Variants in ABCD2 observed in about 807,000 individuals in gnomAD.
ABCD2 encodes the protein ATP-binding cassette sub-family D member 2.
A neutral mutation model predicts 70.9 loss-of-function variants in ABCD2; 36 were observed. That is an observed-to-expected ratio of 0.51 (90% CI 0.39 to 0.67). ABCD2 has a LOEUF of 0.67. ABCD2 is among the 30% of genes least tolerant of loss of function. The pLI, the probability that ABCD2 is intolerant of heterozygous loss-of-function variation, is 0.00. For synonymous variants in ABCD2, 304 were observed against 306.9 expected (o/e 0.99, Z 0.10); for missense variants, 729 against 890.2 (o/e 0.82, Z 2.30).
At chr12:39,571,937 T>C (rs528031409) in intron 9 of ABCD2, among the ~76,000 whole-genome samples, 49 of 152,244 alleles carry the variant, frequency 3.2e-4, no homozygotes, top group Middle Eastern at 3.4e-3. Context: ...GAAAATGAAA[T>C]TTTTATTTTC....
intron 6 of ABCD2, among the ~76,000 whole-genome samples, chr12:39,591,901 T>G (rs1449599433): frequency 6.6e-6 from 1 of 152,126 alleles, no homozygotes; most frequent in Non-Finnish European, 1.5e-5. Context: ...ACTCATAAAA[T>G]GAGAAAAACT....
At chr12:39,586,086 A>G in intron 7 of ABCD2, 66 bp downstream of exon 7, 10 of 1,443,192 alleles carry the variant, frequency 6.9e-6, no homozygotes, top group Non-Finnish European at 9.5e-6. Context: ...CACAGACTAA[A>G]TATATACCCA....
In ABCD2 at chr12:39,551,285, A is replaced by G. The variant is rs1161967104; in HGVS notation, c.*2627T>C. ...CACATTTTAAACTCAAGCTCCATAA[A>G]CTTATAGCTTTTTGTTTGACCAAAA... On this transcript the variant is annotated 3_prime_UTR_variant, in exon 10 of 10. Transcript: ENST00000308666. The G allele has an allele frequency of 6.6e-6, 1 of 151,734 alleles. No individual in the cohort carries two copies. The highest frequency in any genetic ancestry group is 1.5e-5 in the Non-Finnish European group (1 of 67,682). 9.4% of individuals were successfully genotyped at this position (151,734 alleles called of 1,614,324 possible). A position where few individuals can be genotyped will look rare whatever the true frequency, so the allele number is the denominator to read the frequency against.
Position 39,604,965 on chromosome 12 carries a change from T to C in ABCD2, c.1237-35A>G, listed in dbSNP as rs11172793. 3,534 of 1,491,926 alleles carry C rather than the reference T, an allele frequency of 2.4e-3. 121 individuals carry two copies. In the East Asian group the frequency reaches 0.069, roughly 29 times the overall value. The allele number at this position is 1,491,926 out of a possible 1,614,324, so 92.4% of individuals were successfully genotyped here. On this transcript the variant is annotated intron_variant, in intron 3 of 9. Coordinates refer to ENST00000308666, the MANE Select transcript of ABCD2 (RefSeq NM_005164.4). ...ACACAGAGATATAAAATAGAGTTACTATATCCAAGACAATATTTTAAATAA... is the reference window on the plus strand; with the variant it reads ...ACACAGAGATATAAAATAGAGTTACCATATCCAAGACAATATTTTAAATAA...
At chr12:39,558,549 C>T (rs570305551) in intron 9 of ABCD2, among the ~76,000 whole-genome samples, 1 of 152,118 alleles carries the variant, frequency 6.6e-6, no homozygotes, top group Non-Finnish European at 1.5e-5. Flanking sequence ...GGGGTTTCCC[C>T]CATGTTGTTC....
At chr12:39,596,214 C>A (rs970647196) in intron 6 of ABCD2, among the ~76,000 whole-genome samples, 7 of 152,186 alleles carry the variant, frequency 4.6e-5, no homozygotes, top group African/African-American at 1.7e-4. Context: ...GGCAACTGTT[C>A]AAATCCTGAA....
chr12:39,550,910 A>G lies in ABCD2; in HGVS notation c.*3002T>C, dbSNP rs527788177. ...AAGCTATTCCAAACATATTAGAATA[A>G]GATGAATCTATTGCCAAATATGAAA... On this transcript the variant is annotated 3_prime_UTR_variant, in exon 10 of 10. Transcript: ENST00000308666. The G allele has an allele frequency of 7.2e-5, 11 of 151,884 alleles. No individual in the cohort carries two copies. Among genetic ancestry groups the G allele is most frequent in the African/African-American group, 2.2e-4 (9 of 41,564 alleles). The allele number at this position is 151,884 out of a possible 1,614,324, so 9.4% of individuals were successfully genotyped here.
At position 39,553,855 on chromosome 12, in the gene ABCD2, A is replaced by C; in HGVS notation, c.*57T>G. 7.6e-7 allele frequency: 1 copy of C among 1,318,428 alleles called. No individual in the cohort carries two copies. The highest frequency in any genetic ancestry group is 1.1e-6 in the Non-Finnish European group (1 of 949,464). The allele number at this position is 1,318,428 out of a possible 1,614,324, so 81.7% of individuals were successfully genotyped here. Reference sequence around the variant, plus strand: ...AGCTTAACATACTTCATGCAGTATAACAGAATGTCTTTGAGCCTTTATCTA... The same window carrying C: ...AGCTTAACATACTTCATGCAGTATACCAGAATGTCTTTGAGCCTTTATCTA... On this transcript the variant is annotated 3_prime_UTR_variant, in exon 10 of 10. Transcript: ENST00000308666.
rs1941569157 is a variant in ABCD2 at position 39,579,635 on chromosome 12, A to C, written c.1793-16T>G. ...GCATCCCATCCTTAAGAAAATAAAAAAATATACATTTTTATAAATCATTTG... is the reference window on the plus strand; with the variant it reads ...GCATCCCATCCTTAAGAAAATAAAACAATATACATTTTTATAAATCATTTG... On this transcript the variant is annotated splice_polypyrimidine_tract_variant and intron_variant, in intron 7 of 9. Transcript: ENST00000308666. The C allele has an allele frequency of 6.4e-7, 1 of 1,568,906 alleles. No homozygotes were observed. The highest frequency in any genetic ancestry group is 8.7e-7 in the Non-Finnish European group (1 of 1,146,940).
At chr12:39,536,748 G>A in the ABCD2 span, among the ~76,000 whole-genome samples, 1 of 152,054 alleles carries the variant, frequency 6.6e-6, no homozygotes, top group African/African-American at 2.4e-5. Flanking sequence ...CCCCCTAAAT[G>A]TTTACTTTTC....
the ABCD2 span, among the ~76,000 whole-genome samples, chr12:39,543,655 G>A: frequency 6.6e-6 from 1 of 152,186 alleles, no homozygotes; most frequent in Admixed American, 6.5e-5. Context: ...TGCAAAGAGA[G>A]AAAGTCCATA....
the ABCD2 span, among the ~76,000 whole-genome samples, chr12:39,544,594 A>G: frequency 6.6e-6 from 1 of 152,130 alleles, no homozygotes; most frequent in African/African-American, 2.4e-5. Context: ...GCTAAGTTAG[A>G]TCTCTTTCAC....
chr12:39,573,885 A>G (rs1941481669), intron 8 of ABCD2, 44 bp from the exon 9 acceptor site: 1 of 1,566,476 alleles, frequency 6.4e-7, no homozygotes, highest in African/African-American at 1.4e-5. Flanking sequence ...TGCTATATGA[A>G]CTATAAGTTT....
chr12:39,553,341 A>T lies in ABCD2; in HGVS notation c.*571T>A, dbSNP rs1007203872. The T allele has an allele frequency of 6.6e-6, 1 of 152,066 alleles. No individual in the cohort carries two copies. Among genetic ancestry groups the T allele is most frequent in the African/African-American group, 2.4e-5 (1 of 41,446 alleles). 9.4% of individuals were successfully genotyped at this position (152,066 alleles called of 1,614,324 possible). A position where few individuals can be genotyped will look rare whatever the true frequency, so the allele number is the denominator to read the frequency against. On this transcript the variant is annotated 3_prime_UTR_variant, in exon 10 of 10. Coordinates refer to ENST00000308666, the MANE Select transcript of ABCD2 (RefSeq NM_005164.4). ...AATTTAAAAATATGGCATTTTATAC[A>T]TTTTAGCCATGCTTTTTTCTTTCAA...
At chr12:39,548,680 TA>T (rs1031117241), downstream of ABCD2, among the ~76,000 whole-genome samples, 7 of 151,468 alleles carry the variant, frequency 4.6e-5, no homozygotes, top group African/African-American at 1.5e-4. Context: ...TTAATATATT[TA>T]ATATATACAA....
At position 39,618,726 on chromosome 12, in the gene ABCD2, G is replaced by T. The variant is rs773549369; in HGVS notation, c.890C>A (p.Ser297Ter). The part of the protein sequence containing the change: ...HRKGYLRYVH[S>*]RIIANVEEIA... ...TTCTTCTACATTGGCTATAATTCTC[G>T]AGTGCACATACCGCAAATAGCCTTT... is the stretch of plus-strand genomic sequence containing the variant. The change falls in exon 1 of 10, where the codon TCG (serine) becomes TAG (stop). Residue 297 changes from serine to a stop codon, truncating the protein, a stop_gained. Transcript: ENST00000308666. LOFTEE classifies it high-confidence loss of function. 6.2e-7 allele frequency: 1 copy of T among 1,614,084 alleles called. No homozygotes were observed. Among genetic ancestry groups the T allele is most frequent in the South Asian group, 1.1e-5 (1 of 91,080 alleles).
At chr12:39,566,028 T>C (rs1171944710) in intron 9 of ABCD2, among the ~76,000 whole-genome samples, 3 of 152,214 alleles carry the variant, frequency 2.0e-5, no homozygotes, top group African/African-American at 7.2e-5. Flanking sequence ...GGATTTAGTT[T>C]GCCAGTGTTT....
chr12:39,545,669 T>C (rs1481265692), downstream of ABCD2, among the ~76,000 whole-genome samples: 1 of 152,236 alleles, frequency 6.6e-6, no homozygotes, highest in South Asian at 2.1e-4. Flanking sequence ...CTTTTCATTG[T>C]TGTGATCAGG....
chr12:39,584,735 T>C (rs528279470), intron 7 of ABCD2, among the ~76,000 whole-genome samples: 1 of 152,228 alleles, frequency 6.6e-6, no homozygotes, highest in Admixed American at 6.5e-5. Context: ...CTTCTGCATA[T>C]GGCCAGCCAG....
Sources: gnomAD v4.1 joint callset for allele counts (sites outside exome capture counted in the v4.1 genomes callset) on GRCh38, gnomAD v4.1.1 for gene constraint, MANE v1.5 for transcripts, NCBI Gene and HGNC (gene_info 2026-07-23, HGNC 2026-07-21) for gene names.